MCU: variants seen among roughly 807,000 people sequenced by gnomAD.
MCU encodes the protein calcium uniporter protein, mitochondrial.
In MCU, 12 loss-of-function variants were observed where a neutral mutation model predicts 45.2. That is an observed-to-expected ratio of 0.27 (90% CI 0.17 to 0.43). The LOEUF is 0.43. Ranked by LOEUF, MCU falls within the 20% of genes least tolerant of loss-of-function variation. The pLI is 1.00. For synonymous variants in MCU, 160 were observed against 165.1 expected, an observed-to-expected ratio of 0.97 and a Z score of 0.24; for missense variants, 324 against 436.7, an observed-to-expected ratio of 0.74 and a Z score of 2.30.
chr10:72,813,920 A>G (rs1277334511), intron 1 of MCU, among the ~76,000 whole-genome samples: 1 of 152,190 alleles, frequency 6.6e-6, no homozygotes, highest in Admixed American at 6.5e-5. Context: ...CTATACATAC[A>G]TATTTTTTAA....
intron 6 of MCU, among the ~76,000 whole-genome samples, chr10:72,880,189 G>T (rs1321338101): frequency 6.6e-6 from 1 of 152,226 alleles, no homozygotes. Flanking sequence ...TTGAAGAGGA[G>T]GCCCTAGCCA....
At chr10:72,724,508 C>T (rs1387413464) in intron 1 of MCU, among the ~76,000 whole-genome samples, 2 of 152,106 alleles carry the variant, frequency 1.3e-5, no homozygotes, top group Admixed American at 6.5e-5. Context: ...CTACCACCAC[C>T]CCCTCCCCCA....
intron 2 of MCU, 130 bp from the exon 3 acceptor site, chr10:72,859,047 G>T (rs999691316): frequency 1.4e-5 from 12 of 868,900 alleles, no homozygotes; most frequent in Middle Eastern, 3.7e-4. Flanking sequence ...TAAAGGGCAT[G>T]TTCTTAAACC....
chr10:72,840,414 T>G (rs1343529292), intron 2 of MCU, among the ~76,000 whole-genome samples: 2 of 152,230 alleles, frequency 1.3e-5, no homozygotes. Flanking sequence ...AAGTGTTCTT[T>G]ATATAGTCTA....
At chr10:72,798,570 G>A (rs192057181) in intron 1 of MCU, among the ~76,000 whole-genome samples, 3 of 152,152 alleles carry the variant, frequency 2.0e-5, no homozygotes, top group Non-Finnish European at 2.9e-5. Flanking sequence ...GATTACAGGC[G>A]TAATCCTAGC....
At chr10:72,858,551 G>A (rs1047626486) in intron 2 of MCU, among the ~76,000 whole-genome samples, 2 of 152,082 alleles carry the variant, frequency 1.3e-5, no homozygotes, top group Non-Finnish European at 2.9e-5. Flanking sequence ...GCAAGGAAGG[G>A]GTATAATGAA....
intron 1 of MCU, among the ~76,000 whole-genome samples, chr10:72,740,111 G>A (rs1398163569): frequency 6.6e-6 from 1 of 151,976 alleles, no homozygotes; most frequent in Non-Finnish European, 1.5e-5. Context: ...ACCGGGCACG[G>A]TGGCTCACGC....
At chr10:72,804,058 A>G (rs1844387398) in intron 1 of MCU, among the ~76,000 whole-genome samples, 1 of 80,280 alleles carries the variant, frequency 1.2e-5, no homozygotes, top group African/African-American at 5.8e-5. Context: ...ATATATATAT[A>G]TATATATATA....
At chr10:72,723,049 A>T (rs952541196) in intron 1 of MCU, among the ~76,000 whole-genome samples, 1 of 151,802 alleles carries the variant, frequency 6.6e-6, no homozygotes, top group Non-Finnish European at 1.5e-5. Context: ...ACAAAAAATT[A>T]GCTGGGTGTG....
chr10:72,829,235 A>G (rs1390893838), intron 1 of MCU, among the ~76,000 whole-genome samples: 1 of 151,238 alleles, frequency 6.6e-6, no homozygotes. Flanking sequence ...AGGCAGGAGA[A>G]TTGCTTGAAC....
At chr10:72,764,835 A>G (rs1196962844) in intron 1 of MCU, among the ~76,000 whole-genome samples, 2 of 152,206 alleles carry the variant, frequency 1.3e-5, no homozygotes, top group Non-Finnish European at 2.9e-5. Context: ...CTGAATTTCT[A>G]TAGCACAAGT....
intron 1 of MCU, among the ~76,000 whole-genome samples, chr10:72,785,425 G>A (rs1220393457): frequency 6.6e-6 from 1 of 152,162 alleles, no homozygotes; most frequent in Non-Finnish European, 1.5e-5. Context: ...TCAAAAATGT[G>A]CATAATAGAA....
intron 1 of MCU, among the ~76,000 whole-genome samples, chr10:72,807,468 G>A (rs1844469805): frequency 6.6e-6 from 1 of 152,116 alleles, no homozygotes; most frequent in South Asian, 2.1e-4. Flanking sequence ...TAAGTTCAAT[G>A]AGTTCTTTTT....
chr10:72,806,528 T>C (rs1418320917), intron 1 of MCU, among the ~76,000 whole-genome samples: 1 of 152,148 alleles, frequency 6.6e-6, no homozygotes, highest in Admixed American at 6.5e-5. Flanking sequence ...GCAGTGGTTA[T>C]TTGAGGGAAT....
At chr10:72,778,093 A>T (rs1843923707) in intron 1 of MCU, among the ~76,000 whole-genome samples, 1 of 152,224 alleles carries the variant, frequency 6.6e-6, no homozygotes, top group Non-Finnish European at 1.5e-5. Flanking sequence ...AAATTACTAC[A>T]GCCACTATGG....
chr10:72,873,880 G>T (rs1444223941), intron 6 of MCU, among the ~76,000 whole-genome samples: 1 of 152,112 alleles, frequency 6.6e-6, no homozygotes, highest in Non-Finnish European at 1.5e-5. Context: ...TTGTGGGTTC[G>T]TGGTGCCTTT....
At chr10:72,876,921 GTTTTTT>G (rs11365046) in intron 6 of MCU, among the ~76,000 whole-genome samples, 255 of 134,210 alleles carry the variant, frequency 1.9e-3, no homozygotes, top group African/African-American at 6.2e-3. Context: ...TCAAATCACA[GTTTTTT>G]TTTTTTTTTT....
chr10:72,692,941 G>C (rs1341826487), intron 1 of MCU: 19 of 1,527,592 alleles, frequency 1.2e-5, no homozygotes, highest in Non-Finnish European at 1.5e-5. Context: ...GCTTCAGGAG[G>C]CAAGCTTCAT....
intron 4 of MCU, 54 bp from the exon 5 acceptor site, chr10:72,868,649 G>C (rs1845494533): frequency 6.5e-7 from 1 of 1,535,516 alleles, no homozygotes; most frequent in African/African-American, 1.4e-5. Context: ...ATAGTCCCAG[G>C]AATAGCAATC....
Sources: allele counts gnomAD v4.1 joint callset (sites outside exome capture counted in the v4.1 genomes callset), GRCh38; gene constraint gnomAD v4.1.1; transcripts MANE v1.5; gene names NCBI Gene and HGNC (gene_info 2026-07-23, HGNC 2026-07-21).